The following B3GALT5 variants were observed in gnomAD, a reference collection of about 807,000 sequenced individuals.
B3GALT5 encodes beta-1,3-galactosyltransferase 5, also known as UDP-Gal:betaGlcNAc beta 1,3-galactosyltransferase, polypeptide 5.
For synonymous variants in B3GALT5, 156 were observed against 158.6 expected (o/e 0.98, Z 0.12); for missense variants, 328 against 396.6 (o/e 0.83, Z 1.47).
intron 2 of B3GALT5, among the ~76,000 whole-genome samples, chr21:39,652,775 T>C (rs1602294009): frequency 6.6e-6 from 1 of 152,226 alleles, no homozygotes; most frequent in Non-Finnish European, 1.5e-5. Flanking sequence ...CTGCAAGAAC[T>C]TCAGAGCTGA....
intron 2 of B3GALT5, among the ~76,000 whole-genome samples, chr21:39,656,404 C>A (rs149203495): frequency 2.6e-5 from 4 of 152,214 alleles, no homozygotes; most frequent in African/African-American, 7.2e-5. Context: ...CCTGGTTCCA[C>A]CTGTTACATC....
rs934281489 is a variant in B3GALT5 at position 39,657,807 on chromosome 21, G to A, written c.-160-1946G>A. On this transcript the variant is annotated intron_variant, in intron 2 of 3. Transcript: ENST00000684187. ...TAGAGAACCCTGACTAATACACCTG[G>A]AGTGCAGAATCTGCTGGAGAAACTG... 11 of 1,186,496 alleles carry A rather than the reference G, an allele frequency of 9.3e-6. No homozygotes were observed. The African/African-American group carries it at 1.7e-4, about 19-fold the overall frequency. 73.5% of individuals were successfully genotyped at this position (1,186,496 alleles called of 1,614,324 possible).
At chr21:39,646,804 C>T (rs2079344281) in intron 2 of B3GALT5, among the ~76,000 whole-genome samples, 182 bp downstream of exon 2, 1 of 152,106 alleles carries the variant, frequency 6.6e-6, no homozygotes. Flanking sequence ...GCAGGAGGGT[C>T]AAGAACTGAA....
intron 1 of B3GALT5, among the ~76,000 whole-genome samples, chr21:39,637,343 G>A (rs890863562): frequency 1.1e-4 from 16 of 152,252 alleles, no homozygotes; most frequent in African/African-American, 3.9e-4. Context: ...ATCTGTGTGC[G>A]TTCCCTCTCT....
At chr21:39,617,771 A>G (rs1446514388) in intron 1 of B3GALT5, among the ~76,000 whole-genome samples, 1 of 152,182 alleles carries the variant, frequency 6.6e-6, no homozygotes, top group Non-Finnish European at 1.5e-5. Flanking sequence ...CTCATCAGCT[A>G]TCGTTAGTGT....
Position 39,661,726 on chromosome 21 carries a change from A to AT in B3GALT5, c.*239dup. On this transcript the variant is annotated 3_prime_UTR_variant, in exon 4 of 4. Coordinates refer to ENST00000684187, the MANE Select transcript of B3GALT5 (RefSeq NM_001356336.2). This position sits in a 1 kb window ranked among gnomAD's most constrained non-coding sequence, Gnocchi z 4.7. ...TACTAAGTGTTTGACATACACCTGG[A>AT]TTTTTGCATTTCAGGGGTCAGTATC... 2.4e-6 allele frequency: 1 copy of AT among 413,920 alleles called. No homozygotes were observed. The highest frequency in any genetic ancestry group is 6.6e-4 in the Middle Eastern group (1 of 1,506). The allele number at this position is 413,920 out of a possible 1,614,324, so 25.6% of individuals were successfully genotyped here.
chr21:39,643,746 A>T (rs1232453548), intron 1 of B3GALT5, among the ~76,000 whole-genome samples: 1 of 152,136 alleles, frequency 6.6e-6, no homozygotes, highest in Non-Finnish European at 1.5e-5. Context: ...GAGGGGGGAG[A>T]GATGCTCCTT....
chr21:39,639,395 T>TTCC (rs1569212335), intron 1 of B3GALT5, among the ~76,000 whole-genome samples: 2 of 78,724 alleles, frequency 2.5e-5, no homozygotes, highest in Admixed American at 1.4e-4. Flanking sequence ...TCCTTCCTTC[T>TTCC]TTCTTTTTCT....
chr21:39,628,946 A>T (rs540638070), intron 1 of B3GALT5, among the ~76,000 whole-genome samples: 9 of 152,332 alleles, frequency 5.9e-5, no homozygotes, highest in African/African-American at 2.2e-4. Flanking sequence ...GTAACTAAAA[A>T]GTGGTTGACT....
chr21:39,649,542 G>A (rs1401855270), intron 2 of B3GALT5, among the ~76,000 whole-genome samples: 1 of 152,224 alleles, frequency 6.6e-6, no homozygotes, highest in Non-Finnish European at 1.5e-5. Context: ...AGGGGAAAGA[G>A]ACCTCAGTAT....
chr21:39,622,758 T>G (rs2079140593), intron 1 of B3GALT5, among the ~76,000 whole-genome samples: 1 of 152,066 alleles, frequency 6.6e-6, no homozygotes, highest in Admixed American at 6.5e-5. Flanking sequence ...ATTATGTGTT[T>G]TCTTTTTCAT....
chr21:39,627,292 G>A (rs9980443), intron 1 of B3GALT5, among the ~76,000 whole-genome samples: 1 of 152,166 alleles, frequency 6.6e-6, no homozygotes, highest in Non-Finnish European at 1.5e-5. Flanking sequence ...AGGAAGTTTA[G>A]GGTGCAGACT....
At chr21:39,631,425 AGGACAGCAG>A (rs1419912741) in intron 1 of B3GALT5, among the ~76,000 whole-genome samples, 1 of 152,128 alleles carries the variant, frequency 6.6e-6, no homozygotes, top group East Asian at 1.9e-4. Flanking sequence ...CCTAATTATA[AGGACAGCAG>A]GGATATTGTA....
chr21:39,644,847 T>C, intron 1 of B3GALT5, among the ~76,000 whole-genome samples: 1 of 146,294 alleles, frequency 6.8e-6, no homozygotes, highest in Admixed American at 6.8e-5. Context: ...ACCCCAGCAC[T>C]GGCCTCCCCA....
At chr21:39,613,343 G>T (rs2079090625) in intron 1 of B3GALT5, among the ~76,000 whole-genome samples, 1 of 152,228 alleles carries the variant, frequency 6.6e-6, no homozygotes, top group Non-Finnish European at 1.5e-5. Context: ...GTGTTCCTGG[G>T]TGGGCACGGT....
chr21:39,628,994 A>AT (rs1281515322), intron 1 of B3GALT5, among the ~76,000 whole-genome samples: 7 of 152,052 alleles, frequency 4.6e-5, no homozygotes, highest in African/African-American at 1.7e-4. Flanking sequence ...CCACATGCAG[A>AT]ACTCTTAACA....
At chr21:39,654,310 G>A (rs917771676) in intron 2 of B3GALT5, among the ~76,000 whole-genome samples, 1 of 152,152 alleles carries the variant, frequency 6.6e-6, no homozygotes, top group Non-Finnish European at 1.5e-5. Context: ...TTGAACTGCT[G>A]GCCTCAAGTG....
Position 39,661,373 on chromosome 21 carries a change from C to G in B3GALT5, c.814C>G (p.Arg272Gly). The change falls in exon 4 of 4, where the codon CGC becomes GGC. Residue 272 changes from arginine to glycine, a missense_variant. By Grantham distance (125) the Arg-to-Gly change is moderately radical (BLOSUM62 -2). Transcript: ENST00000684187. The surrounding 1 kb of genome is among the most constrained non-coding windows in gnomAD (Gnocchi z 4.7). Reference protein sequence around the residue: ...SQPTFFPGGLRFSVCLFRRIV... With the variant: ...SQPTFFPGGLGFSVCLFRRIV... ...GCCGACCTTTTTTCCAGGGGGCTTA[C>G]GCTTCTCCGTATGCCTCTTCAGGAG... The G allele has an allele frequency of 6.2e-7, 1 of 1,603,822 alleles. No homozygotes were observed. The highest frequency in any genetic ancestry group is 8.5e-7 in the Non-Finnish European group (1 of 1,175,236).
At chr21:39,620,713 A>G (rs1000367199) in intron 1 of B3GALT5, among the ~76,000 whole-genome samples, 3 of 152,216 alleles carry the variant, frequency 2.0e-5, no homozygotes, top group African/African-American at 7.2e-5. Context: ...ATAGCATATG[A>G]TAATAAACCG....
Sources: gnomAD v4.1 joint callset for allele counts (sites outside exome capture counted in the v4.1 genomes callset) on GRCh38, gnomAD v4.1.1 for gene constraint, Gnocchi (gnomAD v3.1) non-coding constraint, MANE v1.5 for transcripts, NCBI Gene and HGNC (gene_info 2026-07-23, HGNC 2026-07-21) for gene names.